RBFOX1: variants seen among roughly 807,000 people sequenced by gnomAD.
RBFOX1 encodes RNA binding protein fox-1 homolog 1.
A neutral mutation model predicts 57.7 loss-of-function variants in RBFOX1; 8 were observed. That is an observed-to-expected ratio of 0.14 (90% CI 0.08 to 0.25). RBFOX1 has a LOEUF of 0.25. RBFOX1 is among the 10% of genes least tolerant of loss of function. RBFOX1 has a pLI of 1.00. For synonymous variants in RBFOX1, 326 were observed against 222.4 expected, an observed-to-expected ratio of 1.47 and a Z score of -4.15; for missense variants, 611 against 548.5, an observed-to-expected ratio of 1.11 and a Z score of -1.14.
In RBFOX1 at chr16:5,315,505, C is replaced by G. The variant is rs753674537; in HGVS notation, c.219+75400C>G. 2.6e-4 allele frequency among the ~76,000 whole-genome samples: 39 copies of G among 152,246 alleles called. 4 individuals are homozygous for G. The highest frequency in any genetic ancestry group is 1.8e-3 in the Admixed American group (28 of 15,294). Reference sequence around the variant, plus strand: ...GGAACGGGGTCTGCGTAGCTGCACCCCAAGCTGTCTCTGCAGGTGTTTTGA... The same window carrying G: ...GGAACGGGGTCTGCGTAGCTGCACCGCAAGCTGTCTCTGCAGGTGTTTTGA... On this transcript the variant is annotated intron_variant, in intron 1 of 2. Transcript: ENST00000585867.
At chr16:6,418,519 A>ATTTTT (rs567448072) in intron 2 of RBFOX1, among the ~76,000 whole-genome samples, 20 of 100,936 alleles carry the variant, frequency 2.0e-4, no homozygotes, top group African/African-American at 4.8e-4. Flanking sequence ...TGCAAGCCTT[A>ATTTTT]TTTTTTTTTT....
chr16:7,213,546 T>A (rs571698878), intron 4 of RBFOX1, among the ~76,000 whole-genome samples: 1 of 135,014 alleles, frequency 7.4e-6, no homozygotes, highest in South Asian at 2.3e-4. Flanking sequence ...CTCAAAGGGA[T>A]CCTCTAATGC....
intron 3 of RBFOX1, among the ~76,000 whole-genome samples, chr16:6,658,764 G>A (rs1026157039): frequency 1.3e-4 from 20 of 152,032 alleles, no homozygotes; most frequent in African/African-American, 4.8e-4. Context: ...TCGCTTCCAA[G>A]CCCGCCAATT....
At chr16:6,603,490 G>A (rs1474707535) in intron 2 of RBFOX1, among the ~76,000 whole-genome samples, 1 of 152,152 alleles carries the variant, frequency 6.6e-6, no homozygotes, top group Non-Finnish European at 1.5e-5. Flanking sequence ...TTAGATCAGA[G>A]CCCTCAAACA....
chr16:6,031,829 C>T (rs780889807), intron 1 of RBFOX1, among the ~76,000 whole-genome samples: 2 of 152,178 alleles, frequency 1.3e-5, no homozygotes, highest in Non-Finnish European at 2.9e-5. Flanking sequence ...CCCTCCTGGA[C>T]TGATCCCTTT....
At chr16:6,953,492 T>A (rs2081178986) in intron 3 of RBFOX1, among the ~76,000 whole-genome samples, 1 of 152,172 alleles carries the variant, frequency 6.6e-6, no homozygotes, top group Non-Finnish European at 1.5e-5. Context: ...TTCAAGCGAT[T>A]CTTCTGCTTC....
At chr16:6,375,288 G>A (rs1019897990) in intron 2 of RBFOX1, among the ~76,000 whole-genome samples, 1 of 148,728 alleles carries the variant, frequency 6.7e-6, no homozygotes, top group Non-Finnish European at 1.5e-5. Flanking sequence ...CCAGAGTGGG[G>A]AAAAAAAACA....
At chr16:6,785,831 A>C (rs775581277) in intron 3 of RBFOX1, among the ~76,000 whole-genome samples, 33 of 152,190 alleles carry the variant, frequency 2.2e-4, no homozygotes, top group Non-Finnish European at 4.1e-4. Context: ...TAGAATACAG[A>C]GCTAGAATTA....
At chr16:7,299,612 C>G (rs1228817800) in intron 4 of RBFOX1, among the ~76,000 whole-genome samples, 1 of 152,238 alleles carries the variant, frequency 6.6e-6, no homozygotes, top group African/African-American at 2.4e-5. Flanking sequence ...CCTGGACCCT[C>G]TGACTCAGTG....
chr16:7,419,377 T>C (rs2098517043), intron 4 of RBFOX1, among the ~76,000 whole-genome samples: 1 of 152,166 alleles, frequency 6.6e-6, no homozygotes, highest in African/African-American at 2.4e-5. Flanking sequence ...CTGTCTCTCA[T>C]CTGAATTTAA....
At chr16:6,861,826 T>TTG (rs1555540821) in intron 3 of RBFOX1, among the ~76,000 whole-genome samples, 3 of 148,700 alleles carry the variant, frequency 2.0e-5, no homozygotes, top group Non-Finnish European at 4.5e-5. Flanking sequence ...TCCCTTGGTT[T>TTG]TTTTTTTTTT....
At chr16:5,900,623 C>G (rs866327335) in intron 4 of RBFOX1, among the ~76,000 whole-genome samples, 1 of 152,190 alleles carries the variant, frequency 6.6e-6, no homozygotes, top group Non-Finnish European at 1.5e-5. Context: ...GGCCATCCCT[C>G]TAGCCCAGCA....
chr16:7,710,909 TTTTGTTCTGTGTA>T lies in RBFOX1; in HGVS notation c.*168_*180del. ...CATTTTTTATCTTATACCTCAGATA[TTTTGTTCTGTGTA>T]TTTTAATATTGTGGGTCTTTAATTT... On this transcript the variant is annotated 3_prime_UTR_variant, in exon 16 of 16. Coordinates refer to ENST00000550418, the MANE Select transcript of RBFOX1 (RefSeq NM_018723.4). The T allele has an allele frequency of 6.3e-6, 5 of 791,594 alleles. No individual in the cohort carries two copies. Among genetic ancestry groups the T allele is most frequent in the Non-Finnish European group, 8.8e-6 (5 of 568,196 alleles). 49.0% of individuals were successfully genotyped at this position (791,594 alleles called of 1,614,324 possible).
At chr16:6,746,528 A>C (rs1461635154) in intron 3 of RBFOX1, among the ~76,000 whole-genome samples, 1 of 151,860 alleles carries the variant, frequency 6.6e-6, no homozygotes, top group Non-Finnish European at 1.5e-5. Context: ...AATACAAAAA[A>C]TTGCCGGGCA....
intron 3 of RBFOX1, among the ~76,000 whole-genome samples, chr16:7,002,668 C>T (rs1330137096): frequency 5.3e-5 from 8 of 152,230 alleles, no homozygotes; most frequent in South Asian, 4.1e-4. Context: ...GCCGAGATTG[C>T]GCCACTGCAC....
chr16:5,879,093 A>G (rs778082226), intron 4 of RBFOX1, among the ~76,000 whole-genome samples: 33 of 152,316 alleles, frequency 2.2e-4, no homozygotes, highest in Non-Finnish European at 2.6e-4. Context: ...TATTGAGTAG[A>G]TACTGGGAGA....
chr16:5,843,891 G>A (rs532503257), intron 3 of RBFOX1, among the ~76,000 whole-genome samples: 13 of 152,328 alleles, frequency 8.5e-5, no homozygotes, highest in South Asian at 2.1e-4. Flanking sequence ...TCCAACAAGC[G>A]CACCTGAGTT....
intron 4 of RBFOX1, among the ~76,000 whole-genome samples, chr16:7,174,635 C>A (rs901061817): frequency 6.6e-6 from 1 of 152,076 alleles, no homozygotes; most frequent in African/African-American, 2.4e-5. Context: ...ACAAAATTAG[C>A]CAGGCGTGGT....
intron 4 of RBFOX1, among the ~76,000 whole-genome samples, chr16:7,154,510 T>G (rs758724316): frequency 2.6e-5 from 4 of 152,206 alleles, no homozygotes; most frequent in Non-Finnish European, 4.4e-5. Flanking sequence ...AGGACCTTCC[T>G]ACAAGGCAGC....
Sources: gnomAD v4.1 joint callset for allele counts (sites outside exome capture counted in the v4.1 genomes callset) on GRCh38, gnomAD v4.1.1 for gene constraint, MANE v1.5 for transcripts, NCBI Gene and HGNC (gene_info 2026-07-23, HGNC 2026-07-21) for gene names.